The following CACNB4 variants were observed in gnomAD, a reference collection of about 807,000 sequenced individuals.
CACNB4 encodes the protein calcium voltage-gated channel auxiliary subunit beta 4.
A neutral mutation model predicts 71.2 loss-of-function variants in CACNB4; 32 were observed. The observed-to-expected ratio is 0.45, with a 90% confidence interval of 0.34 to 0.60. CACNB4 has a LOEUF of 0.60. Ranked by LOEUF, CACNB4 falls within the 20% of genes least tolerant of loss-of-function variation. The probability of loss-of-function intolerance (pLI) is 0.01; values close to 1 mark genes in which losing one functional copy is unlikely to be tolerated. For synonymous variants in CACNB4, 231 were observed against 236.9 expected (o/e 0.97, Z 0.23); for missense variants, 464 against 647.9 (o/e 0.72, Z 3.08).
chr2:151,957,301 T>TGTGTGTGTGTGTGTCC (rs70974811), intron 2 of CACNB4, among the ~76,000 whole-genome samples: 2 of 151,214 alleles, frequency 1.3e-5, no homozygotes, highest in African/African-American at 4.9e-5. Context: ...TGTGTGTGTG[T>TGTGTGTGTGTGTGTCC]CCCTTGGGAA....
At chr2:152,077,283 G>A (rs901741111) in intron 2 of CACNB4, among the ~76,000 whole-genome samples, 18 of 152,070 alleles carry the variant, frequency 1.2e-4, no homozygotes, top group African/African-American at 3.1e-4. Context: ...GGCCAGGCAC[G>A]GTGGCTCATG....
intron 2 of CACNB4, among the ~76,000 whole-genome samples, chr2:151,895,782 CTAT>C (rs1488337528): frequency 1.3e-5 from 2 of 151,232 alleles, no homozygotes; most frequent in African/African-American, 2.4e-5. Context: ...ATAATAACCA[CTAT>C]TATTTATTGA....
Position 151,908,152 on chromosome 2 carries a change from G to A in CACNB4, c.148-24782C>T, listed in dbSNP as rs144698659. ...GGGCCCAGGGAAAAGGAACAAAGAC[G>A]CCAGGAGGGAGTCTGATTGCAGCCA... On this transcript the variant is annotated intron_variant, in intron 2 of 13. Transcript: ENST00000539935. 9.8e-5 allele frequency among the ~76,000 whole-genome samples: 15 copies of A among 152,318 alleles called. No homozygotes were observed. In the East Asian group the frequency reaches 1.7e-3, roughly 18 times the overall value.
chr2:151,914,278 G>GTA (rs773251440), intron 2 of CACNB4, among the ~76,000 whole-genome samples: 11 of 152,096 alleles, frequency 7.2e-5, no homozygotes, highest in Non-Finnish European at 1.5e-4. Flanking sequence ...TGATACTTGT[G>GTA]TATGCTTCAC....
intron 2 of CACNB4, among the ~76,000 whole-genome samples, chr2:151,966,536 T>C (rs1406224996): frequency 1.3e-5 from 2 of 152,028 alleles, no homozygotes; most frequent in African/African-American, 4.8e-5. Flanking sequence ...ACCTCAGCCT[T>C]CCAAAGTGCT....
chr2:151,902,110 T>C (rs2099853608), intron 2 of CACNB4, among the ~76,000 whole-genome samples: 1 of 149,638 alleles, frequency 6.7e-6, no homozygotes, highest in African/African-American at 2.5e-5. Context: ...TCATAGTTCA[T>C]TGCAGCTTTG....
intron 2 of CACNB4, among the ~76,000 whole-genome samples, chr2:151,965,835 A>C (rs2099870956): frequency 6.6e-6 from 1 of 152,210 alleles, no homozygotes; most frequent in Non-Finnish European, 1.5e-5. Flanking sequence ...AGCAATAGAC[A>C]AAGCATCCTT....
intron 4 of CACNB4, chr2:151,880,027 G>T (rs963305261): frequency 6.6e-6 from 1 of 152,158 alleles, no homozygotes; most frequent in Admixed American, 6.5e-5. Context: ...AGATGCCAGG[G>T]CACATGTTTC....
At chr2:151,945,320 T>A (rs987997381) in intron 2 of CACNB4, among the ~76,000 whole-genome samples, 1 of 152,182 alleles carries the variant, frequency 6.6e-6, no homozygotes, top group Non-Finnish European at 1.5e-5. Context: ...CCAGAAATCC[T>A]CCTCTCCTGC....
At chr2:152,045,132 T>C (rs186089866) in intron 2 of CACNB4, among the ~76,000 whole-genome samples, 4 of 152,254 alleles carry the variant, frequency 2.6e-5, no homozygotes, top group Non-Finnish European at 4.4e-5. Flanking sequence ...CATGTACATA[T>C]GTATGGATAT....
intron 2 of CACNB4, chr2:151,972,057 T>C (rs1034499923): frequency 1.6e-5 from 2 of 123,420 alleles, no homozygotes; most frequent in African/African-American, 6.8e-5. Flanking sequence ...CCTGTGACAC[T>C]GGACCCAAAG....
rs138368676 is a variant in CACNB4 at position 151,914,473 on chromosome 2, A to G, written c.148-31103T>C. The stretch of plus-strand genomic sequence containing the variant: ...CATCTTCTGAAGCCTACTTCTGTCA[A>G]TTCATCCATCTGACCCTCTGTCCAG... On this transcript the variant is annotated intron_variant, in intron 2 of 13. Coordinates refer to ENST00000539935, the MANE Select transcript of CACNB4 (RefSeq NM_000726.5). 3.6e-3 allele frequency among the ~76,000 whole-genome samples: 542 copies of G among 152,270 alleles called. 3 individuals are homozygous for G. The highest frequency in any genetic ancestry group is 0.014 in the Middle Eastern group (4 of 294).
intron 2 of CACNB4, among the ~76,000 whole-genome samples, chr2:151,923,558 C>A (rs2099859486): frequency 6.6e-6 from 1 of 152,162 alleles, no homozygotes; most frequent in African/African-American, 2.4e-5. Context: ...GGGTGGAGGC[C>A]CGGATGGCAT....
chr2:151,993,232 G>A (rs1681818614), intron 2 of CACNB4, among the ~76,000 whole-genome samples: 1 of 150,724 alleles, frequency 6.6e-6, no homozygotes, highest in Non-Finnish European at 1.5e-5. Flanking sequence ...GCACATTTTT[G>A]ATCACTAACT....
At chr2:151,895,420 A>G (rs938625018) in intron 2 of CACNB4, among the ~76,000 whole-genome samples, 9 of 151,916 alleles carry the variant, frequency 5.9e-5, no homozygotes, top group African/African-American at 2.2e-4. Flanking sequence ...TCCAACTAAT[A>G]AAATGTGAAA....
chr2:151,971,473 A>G, intron 2 of CACNB4: 1 of 702,466 alleles, frequency 1.4e-6, no homozygotes, highest in East Asian at 2.7e-5. Flanking sequence ...ATCTGAGAAA[A>G]GCCTTTCCAC....
At chr2:151,847,039 T>C (rs1033002996) in intron 12 of CACNB4, among the ~76,000 whole-genome samples, 2 of 148,388 alleles carry the variant, frequency 1.3e-5, no homozygotes, top group Non-Finnish European at 3.0e-5. Flanking sequence ...AGAAATAATA[T>C]GGGTGAGCAC....
chr2:151,920,628 C>G (rs1456787348), intron 2 of CACNB4, among the ~76,000 whole-genome samples: 1 of 152,130 alleles, frequency 6.6e-6, no homozygotes, highest in East Asian at 1.9e-4. Context: ...ATGCCAGGCC[C>G]AGTCTAGAGT....
chr2:152,094,006 T>A, intron 2 of CACNB4, among the ~76,000 whole-genome samples: 1 of 152,210 alleles, frequency 6.6e-6, no homozygotes, highest in Non-Finnish European at 1.5e-5. Context: ...TTATTGAACA[T>A]ATACTATGCT....
Sources: gnomAD v4.1 joint callset for allele counts (sites outside exome capture counted in the v4.1 genomes callset) on GRCh38, gnomAD v4.1.1 for gene constraint, MANE v1.5 for transcripts, NCBI Gene and HGNC (gene_info 2026-07-23, HGNC 2026-07-21) for gene names.